UBE3D: variants seen among roughly 807,000 people sequenced by gnomAD.
The protein encoded by UBE3D is E3 ubiquitin-protein ligase E3D.
In UBE3D, 48 loss-of-function variants were observed where a neutral mutation model predicts 49.6. That is an observed-to-expected ratio of 0.97 (90% confidence interval 0.77 to 1.23). The LOEUF (loss-of-function observed/expected upper bound fraction) is 1.23, where lower values mean the gene tolerates loss of function less well. Among genes scored for constraint, UBE3D ranks in the 50% most tolerant of loss-of-function variants. The pLI is 0.00. For missense variants in UBE3D, 452 were observed against 468.4 expected, an observed-to-expected ratio of 0.96 and a Z score of 0.32; for synonymous variants, 189 against 174.2, an observed-to-expected ratio of 1.08 and a Z score of -0.67.
At chr6:82,900,718 T>C (rs1197976079) in intron 9 of UBE3D, among the ~76,000 whole-genome samples, 1 of 152,090 alleles carries the variant, frequency 6.6e-6, no homozygotes, top group Non-Finnish European at 1.5e-5. Flanking sequence ...ACTTAACGAG[T>C]GGCCCTGAGG....
chr6:83,060,024 G>A (rs1305523517), intron 1 of UBE3D, among the ~76,000 whole-genome samples: 1 of 152,300 alleles, frequency 6.6e-6, no homozygotes, highest in South Asian at 2.1e-4. Flanking sequence ...GAAGTTCAGT[G>A]CCTCTTCCTC....
chr6:83,044,148 C>T (rs1447610205), intron 4 of UBE3D, among the ~76,000 whole-genome samples: 1 of 152,168 alleles, frequency 6.6e-6, no homozygotes, highest in Non-Finnish European at 1.5e-5. Flanking sequence ...GTCCTAAGAA[C>T]AAGAAAGCAA....
At chr6:83,032,212 G>A (rs1399585850) in intron 5 of UBE3D, 3 of 456,126 alleles carry the variant, frequency 6.6e-6, no homozygotes, top group African/African-American at 4.0e-5. Flanking sequence ...CTCAACACCA[G>A]CCCATGAAAG....
intron 8 of UBE3D, among the ~76,000 whole-genome samples, chr6:82,983,824 T>C (rs893924588): frequency 6.6e-6 from 1 of 152,180 alleles, no homozygotes; most frequent in Non-Finnish European, 1.5e-5. Context: ...GTCATTAGGA[T>C]ATATACTAAG....
At chr6:83,030,660 G>C (rs1206152846) in intron 5 of UBE3D, among the ~76,000 whole-genome samples, 1 of 152,142 alleles carries the variant, frequency 6.6e-6, no homozygotes, top group Non-Finnish European at 1.5e-5. Flanking sequence ...AGCGACTTTG[G>C]AATTTGGGTA....
intron 5 of UBE3D, among the ~76,000 whole-genome samples, chr6:83,029,511 A>T (rs541488655): frequency 6.6e-6 from 1 of 152,276 alleles, no homozygotes; most frequent in South Asian, 2.1e-4. Context: ...TTAAAAAGTT[A>T]TTTGCCATAT....
chr6:83,059,823 C>T (rs540648157), intron 1 of UBE3D, among the ~76,000 whole-genome samples: 2 of 152,010 alleles, frequency 1.3e-5, no homozygotes, highest in South Asian at 4.2e-4. Flanking sequence ...TATGAGAAAC[C>T]AAGCAGGCTG....
chr6:82,967,006 T>A (rs1776986279), intron 8 of UBE3D, among the ~76,000 whole-genome samples: 1 of 152,190 alleles, frequency 6.6e-6, no homozygotes, highest in Admixed American at 6.5e-5. Flanking sequence ...ATTTTTTTCA[T>A]TTTTTTCATT....
At chr6:82,889,138 C>T (rs1328892), downstream of UBE3D, among the ~76,000 whole-genome samples, 49,506 of 152,028 alleles carry the variant, frequency 0.33, 9,426 homozygotes, top group African/African-American at 0.51. Context: ...ATGGGTAACA[C>T]TAATGGTGAT....
At chr6:83,032,459 C>T (rs1165489442) in intron 5 of UBE3D, 1 of 349,124 alleles carries the variant, frequency 2.9e-6, no homozygotes, top group Non-Finnish European at 5.7e-6. Context: ...TGCCTGTACC[C>T]CCATTGTATC....
At chr6:82,957,250 C>T in intron 9 of UBE3D, 62 bp downstream of exon 9, 1 of 1,566,148 alleles carries the variant, frequency 6.4e-7, no homozygotes, top group Non-Finnish European at 8.7e-7. Flanking sequence ...AGAGAGGATC[C>T]TTAAAAAATA....
intron 1 of UBE3D, among the ~76,000 whole-genome samples, chr6:83,060,298 G>A (rs1330721538): frequency 6.6e-6 from 1 of 152,156 alleles, no homozygotes; most frequent in Non-Finnish European, 1.5e-5. Context: ...ATAAATAAAT[G>A]CCACTAGGAC....
At chr6:83,021,673 T>G (rs1204172699) in intron 7 of UBE3D, among the ~76,000 whole-genome samples, 1 of 151,592 alleles carries the variant, frequency 6.6e-6, no homozygotes, top group Non-Finnish European at 1.5e-5. Flanking sequence ...GAGACCATCC[T>G]GGCTAACATG....
intron 8 of UBE3D, among the ~76,000 whole-genome samples, chr6:83,002,826 T>A (rs1431336640): frequency 1.3e-5 from 2 of 152,364 alleles, no homozygotes; most frequent in East Asian, 3.9e-4. Context: ...TGCTGGCACT[T>A]TGATCTTAGA....
chr6:83,049,913 T>TTTA (rs1421204626), intron 3 of UBE3D: 1 of 399,736 alleles, frequency 2.5e-6, no homozygotes, highest in Non-Finnish European at 5.1e-6. Flanking sequence ...CAAAATAAAT[T>TTTA]TTATTATTAT....
intron 9 of UBE3D, among the ~76,000 whole-genome samples, chr6:82,936,136 C>T (rs1394021009): frequency 4.6e-5 from 7 of 151,654 alleles, no homozygotes; most frequent in Non-Finnish European, 1.0e-4. Flanking sequence ...ATATACTGAA[C>T]AATTTAGTCT....
In UBE3D at chr6:83,006,877, T is replaced by A. The variant is rs527532194; in HGVS notation, c.1010+12096A>T. On this transcript the variant is annotated intron_variant, in intron 8 of 9. Transcript: ENST00000369747. ...ACTTAACGCTACCAAAATATACACT[T>A]AAAAATGGTTAAAATGGTAAATTTT... Among the ~76,000 whole-genome samples the A allele has an allele frequency of 1.3e-3, 193 of 152,200 alleles. 1 individual carries two copies. The highest frequency in any genetic ancestry group is 4.5e-3 in the African/African-American group (187 of 41,504).
intron 9 of UBE3D, among the ~76,000 whole-genome samples, chr6:82,924,012 C>G (rs1020624138): frequency 1.3e-5 from 2 of 151,130 alleles, no homozygotes; most frequent in African/African-American, 4.9e-5. Context: ...TGTACCTGGT[C>G]CTTCAAAATG....
intron 9 of UBE3D, among the ~76,000 whole-genome samples, chr6:82,939,017 A>C (rs894611284): frequency 1.3e-5 from 2 of 151,682 alleles, no homozygotes; most frequent in African/African-American, 4.8e-5. Context: ...ACTACACTCC[A>C]CACTCCAGCC....
Sources: gnomAD v4.1 joint callset for allele counts (sites outside exome capture counted in the v4.1 genomes callset) on GRCh38, gnomAD v4.1.1 for gene constraint, MANE v1.5 for transcripts, NCBI Gene and HGNC (gene_info 2026-07-23, HGNC 2026-07-21) for gene names.